Variants in VTI1A observed in about 807,000 individuals in gnomAD.
VTI1A encodes the protein vesicle transport through interaction with t-SNAREs homolog 1A.
In VTI1A, 22 loss-of-function variants were observed where a neutral mutation model predicts 34.9. The ratio of observed to expected loss-of-function variants is 0.63; its 90% confidence interval spans 0.45 to 0.90. VTI1A has a LOEUF of 0.90. Ranked by LOEUF, VTI1A falls within the 40% of genes least tolerant of loss-of-function variation. VTI1A has a pLI of 0.00. For missense variants in VTI1A, 268 were observed against 275.6 expected, an observed-to-expected ratio of 0.97 and a Z score of 0.20; for synonymous variants, 87 against 97.3, an observed-to-expected ratio of 0.89 and a Z score of 0.62.
At chr10:112,653,545 C>G (rs1260463283) in intron 5 of VTI1A, among the ~76,000 whole-genome samples, 1 of 152,218 alleles carries the variant, frequency 6.6e-6, no homozygotes, top group Non-Finnish European at 1.5e-5. Flanking sequence ...GGGCAAATTA[C>G]TTAACTTCTC....
At chr10:112,742,009 A>C (rs937646445) in intron 7 of VTI1A, among the ~76,000 whole-genome samples, 1 of 152,226 alleles carries the variant, frequency 6.6e-6, no homozygotes, top group Non-Finnish European at 1.5e-5. Context: ...AAAAATAAAT[A>C]AATCATGAAA....
At chr10:112,799,962 G>A (rs528609516) in intron 7 of VTI1A, among the ~76,000 whole-genome samples, 17 of 152,188 alleles carry the variant, frequency 1.1e-4, no homozygotes, top group Admixed American at 5.9e-4. Flanking sequence ...ATGTTAGAGA[G>A]AGAGAGAGAG....
chr10:112,551,568 C>T (rs1851362071), intron 5 of VTI1A, among the ~76,000 whole-genome samples: 1 of 152,170 alleles, frequency 6.6e-6, no homozygotes, highest in African/African-American at 2.4e-5. Flanking sequence ...TAGGAAGGAA[C>T]AAATCCTGGC....
chr10:112,772,455 A>G (rs1455644701), intron 7 of VTI1A, among the ~76,000 whole-genome samples: 1 of 152,208 alleles, frequency 6.6e-6, no homozygotes, highest in Admixed American at 6.5e-5. Flanking sequence ...GTCTTATTGT[A>G]TATACGATCT....
intron 7 of VTI1A, among the ~76,000 whole-genome samples, chr10:112,728,500 G>C (rs1850128828): frequency 6.6e-6 from 1 of 152,172 alleles, no homozygotes; most frequent in African/African-American, 2.4e-5. Flanking sequence ...CAGTATGTGG[G>C]CCCAGAAATG....
At position 112,817,144 on chromosome 10, in the gene VTI1A, C is replaced by G. The variant is rs1289204973; in HGVS notation, c.*1761C>G. On this transcript the variant is annotated 3_prime_UTR_variant, in exon 8 of 8. Coordinates refer to ENST00000393077, the MANE Select transcript of VTI1A (RefSeq NM_145206.4). Reference sequence around the variant, plus strand: ...AACCATTAAAAAGCAAGGAAACAAACAAACAACCCTTTTCTCATTCCGACA... The same window carrying G: ...AACCATTAAAAAGCAAGGAAACAAAGAAACAACCCTTTTCTCATTCCGACA... The G allele has an allele frequency of 1.3e-5, 3 of 232,810 alleles. No homozygotes were observed. Among genetic ancestry groups the G allele is most frequent in the Non-Finnish European group, 2.5e-5 (3 of 117,728 alleles). The allele number at this position is 232,810 out of a possible 1,614,324, so 14.4% of individuals were successfully genotyped here.
At chr10:112,674,628 T>C (rs919285423) in intron 7 of VTI1A, among the ~76,000 whole-genome samples, 9 of 152,198 alleles carry the variant, frequency 5.9e-5, no homozygotes, top group Admixed American at 4.6e-4. Context: ...CTTTGAGCCT[T>C]AAGTGCATAT....
chr10:112,620,732 G>A (rs1416655956), intron 5 of VTI1A, among the ~76,000 whole-genome samples: 1 of 151,198 alleles, frequency 6.6e-6, no homozygotes, highest in Admixed American at 6.6e-5. Context: ...AGAGGTTGCA[G>A]TGAACTGAGA....
chr10:112,469,047 C>T (rs546111546), intron 3 of VTI1A, among the ~76,000 whole-genome samples: 1 of 152,310 alleles, frequency 6.6e-6, no homozygotes, highest in East Asian at 1.9e-4. Context: ...ATACACTGAT[C>T]TGTATATGTC....
chr10:112,611,364 G>A (rs905335849), intron 5 of VTI1A, among the ~76,000 whole-genome samples: 2 of 152,176 alleles, frequency 1.3e-5, no homozygotes, highest in African/African-American at 4.8e-5. Context: ...TAACTTGGAA[G>A]GACTTTTGGA....
chr10:112,792,912 T>C (rs1005706432), intron 7 of VTI1A, among the ~76,000 whole-genome samples: 2 of 152,254 alleles, frequency 1.3e-5, no homozygotes, highest in Non-Finnish European at 2.9e-5. Context: ...GATCAGATTA[T>C]GCTTTCAGTT....
intron 7 of VTI1A, among the ~76,000 whole-genome samples, chr10:112,698,938 T>C (rs1203146360): frequency 1.3e-5 from 2 of 152,176 alleles, no homozygotes; most frequent in African/African-American, 2.4e-5. Flanking sequence ...CTCGCGGAGA[T>C]GACCACAGCT....
At chr10:112,840,298 A>C in the VTI1A span, among the ~76,000 whole-genome samples, 1 of 152,100 alleles carries the variant, frequency 6.6e-6, no homozygotes, top group Non-Finnish European at 1.5e-5. Flanking sequence ...GAGAAAGCCA[A>C]ATATGCACCC....
chr10:112,727,427 A>G (rs1590121589), intron 7 of VTI1A, among the ~76,000 whole-genome samples: 2 of 58,260 alleles, frequency 3.4e-5, no homozygotes, highest in Non-Finnish European at 5.8e-5. Context: ...CCCTGCAGGG[A>G]AAAAAAAAAT....
chr10:112,634,312 C>G (rs370070394), intron 5 of VTI1A: 2 of 152,978 alleles, frequency 1.3e-5, no homozygotes, highest in African/African-American at 2.4e-5. Flanking sequence ...GGTTGGTGTT[C>G]TGGCAGCAGT....
At position 112,447,282 on chromosome 10, in the gene VTI1A, C is replaced by T. The variant is rs1589768913; in HGVS notation, c.-92C>T. 7 of 1,409,454 alleles carry T rather than the reference C, an allele frequency of 5.0e-6. No homozygotes were observed. Among genetic ancestry groups the T allele is most frequent in the East Asian group, 2.5e-5 (1 of 39,870 alleles). The allele number at this position is 1,409,454 out of a possible 1,614,324, so 87.3% of individuals were successfully genotyped here. ...TCCGTTCTGCTCTCGGGGGCACCTTCCGGGGTTCCTAAGCCGCGGGGCCCC... is the reference window on the plus strand; with the variant it reads ...TCCGTTCTGCTCTCGGGGGCACCTTTCGGGGTTCCTAAGCCGCGGGGCCCC... On this transcript the variant is annotated 5_prime_UTR_variant, in exon 1 of 8. Transcript: ENST00000393077.
intron 5 of VTI1A, 93 bp from the exon 6 acceptor site, chr10:112,668,125 A>AAG: frequency 2.0e-6 from 2 of 984,030 alleles, no homozygotes; most frequent in Non-Finnish European, 3.2e-6. Context: ...CATGCATGCA[A>AAG]CTTTAACATT....
At chr10:112,524,476 A>G (rs527955149) in intron 3 of VTI1A, among the ~76,000 whole-genome samples, 1 of 152,250 alleles carries the variant, frequency 6.6e-6, no homozygotes, top group Admixed American at 6.5e-5. Context: ...AAAGCCATCC[A>G]AACAACCAGT....
chr10:112,675,802 T>C (rs943035610), intron 7 of VTI1A, among the ~76,000 whole-genome samples: 1 of 152,220 alleles, frequency 6.6e-6, no homozygotes, highest in Non-Finnish European at 1.5e-5. Flanking sequence ...CAGAGGCATA[T>C]GTCCCAGTAG....
Sources: gnomAD v4.1 joint callset for allele counts (sites outside exome capture counted in the v4.1 genomes callset) on GRCh38, gnomAD v4.1.1 for gene constraint, MANE v1.5 for transcripts, NCBI Gene and HGNC (gene_info 2026-07-23, HGNC 2026-07-21) for gene names.